ARHGAP12: variants seen among roughly 807,000 people sequenced by gnomAD.
ARHGAP12 encodes Rho GTPase activating protein 12.
In ARHGAP12, 64 loss-of-function variants were observed where a neutral mutation model predicts 108.6. The observed-to-expected ratio is 0.59, with a 90% CI of 0.48 to 0.73. The LOEUF is 0.73. Among genes scored for constraint, ARHGAP12 ranks in the 30% least tolerant of loss-of-function variants. The pLI, the probability that ARHGAP12 is intolerant of heterozygous loss-of-function variation, is 0.00. For missense variants in ARHGAP12, 940 were observed against 1,005.9 expected (o/e 0.93, Z 0.89); for synonymous variants, 312 against 337.2 (o/e 0.93, Z 0.82).
intron 3 of ARHGAP12, among the ~76,000 whole-genome samples, chr10:31,881,169 A>T (rs1837940739): frequency 6.6e-6 from 1 of 152,116 alleles, no homozygotes; most frequent in Admixed American, 6.6e-5. Flanking sequence ...GAAAAAAAGA[A>T]AAAAAACTTA....
intron 3 of ARHGAP12, among the ~76,000 whole-genome samples, chr10:31,865,469 C>T (rs979187148): frequency 2.6e-5 from 4 of 152,042 alleles, no homozygotes. Context: ...AAGAGAAGGG[C>T]AAACAGGAGT....
intron 3 of ARHGAP12, among the ~76,000 whole-genome samples, chr10:31,889,619 G>GTTTTTTTTTTTTTTTTTTTTTTTT (rs869116452): frequency 2.1e-4 from 14 of 66,422 alleles, no homozygotes; most frequent in East Asian, 5.0e-4. Context: ...AATTTTTCTC[G>GTTTTTTTTTTTTTTTTTTTTTTTT]TTTTTTTTTT....
chr10:31,818,617 A>G (rs984279147), intron 12 of ARHGAP12, among the ~76,000 whole-genome samples: 2 of 152,216 alleles, frequency 1.3e-5, no homozygotes, highest in Admixed American at 6.5e-5. Context: ...AAGATATGGC[A>G]ATGCTTCCCA....
intron 13 of ARHGAP12, 39 bp downstream of exon 13, chr10:31,817,749 A>G: frequency 1.5e-6 from 2 of 1,373,082 alleles, no homozygotes; most frequent in Non-Finnish European, 2.0e-6. Flanking sequence ...AAAGAAAAAC[A>G]GCTCTGAAGT....
At chr10:31,898,487 G>A (rs188842167) in intron 3 of ARHGAP12, among the ~76,000 whole-genome samples, 164 of 152,228 alleles carry the variant, frequency 1.1e-3, no homozygotes, top group Non-Finnish European at 1.9e-3. Context: ...TCTTGACCTC[G>A]TGATCTGCCC....
At chr10:31,837,730 GAAACAGTATC>G (rs1836082803) in intron 9 of ARHGAP12, among the ~76,000 whole-genome samples, 1 of 152,018 alleles carries the variant, frequency 6.6e-6, no homozygotes, top group Non-Finnish European at 1.5e-5. Flanking sequence ...TTAGAAAAAT[GAAACAGTATC>G]TGTGAAAATC....
rs1382454971 is a variant in ARHGAP12, at chr10:31,808,705, T to A, written c.2310A>T (p.Arg770Ser). Residue 770 changes from arginine (R) to serine (S), a missense_variant, in exon 19 of 20, where the codon AGA becomes AGT. Arg to Ser is a moderately radical substitution (Grantham distance 110). Coordinates refer to ENST00000344936, the MANE Select transcript of ARHGAP12 (RefSeq NM_018287.7). ...QRVAAVKDLI[R>S]QLPKPNQDTM... is the part of the protein sequence containing the mutation. ...TGTCTTGGTTTGGCTTTGGCAACTGTCTGATTAGGTCCTTAACAGCAGCGA... is the reference window on the plus strand; with the variant it reads ...TGTCTTGGTTTGGCTTTGGCAACTGACTGATTAGGTCCTTAACAGCAGCGA... 1.2e-6 allele frequency: 2 copies of A among 1,613,798 alleles called. No individual in the cohort carries two copies. Among genetic ancestry groups the A allele is most frequent in the Non-Finnish European group, 1.7e-6 (2 of 1,179,802 alleles).
intron 4 of ARHGAP12, among the ~76,000 whole-genome samples, chr10:31,858,642 A>T (rs1469139089): frequency 1.3e-5 from 2 of 152,168 alleles, no homozygotes; most frequent in East Asian, 1.9e-4. Context: ...GGACTTTACC[A>T]AATGTCCCTG....
rs564985259 is a variant in ARHGAP12, at chr10:31,895,222, T to C, written c.684+12950A>G. Reference sequence around the variant, plus strand: ...TTCATGTCTAAAACACCAAAAGCAATGGCAACAGAAGCCAAAATTGACAAA... The same window carrying C: ...TTCATGTCTAAAACACCAAAAGCAACGGCAACAGAAGCCAAAATTGACAAA... On this transcript the variant is annotated intron_variant, in intron 3 of 19. Coordinates refer to ENST00000344936, the MANE Select transcript of ARHGAP12 (RefSeq NM_018287.7). Among the ~76,000 whole-genome samples, 135 of 152,274 alleles carry C rather than the reference T, an allele frequency of 8.9e-4. 5 individuals are homozygous for C. In the South Asian group the frequency reaches 0.028, roughly 32 times the overall value.
chr10:31,902,190 G>A (rs1166142882), intron 3 of ARHGAP12, among the ~76,000 whole-genome samples: 1 of 152,062 alleles, frequency 6.6e-6, no homozygotes, highest in African/African-American at 2.4e-5. Flanking sequence ...GGACATATAT[G>A]AATGAAACAG....
intron 1 of ARHGAP12, among the ~76,000 whole-genome samples, chr10:31,916,948 ATT>A (rs1248713318): frequency 6.6e-6 from 1 of 152,118 alleles, no homozygotes; most frequent in African/African-American, 2.4e-5. Flanking sequence ...TGAGCTTACA[ATT>A]TAAGTCCAAT....
At chr10:31,817,578 A>G (rs1180962634) in intron 13 of ARHGAP12, among the ~76,000 whole-genome samples, 2 of 152,208 alleles carry the variant, frequency 1.3e-5, no homozygotes, top group African/African-American at 4.8e-5. Flanking sequence ...TTTCAAATCC[A>G]CTGGTAGCAA....
intron 4 of ARHGAP12, among the ~76,000 whole-genome samples, chr10:31,857,287 G>T (rs1836923730): frequency 6.6e-6 from 1 of 152,040 alleles, no homozygotes; most frequent in Non-Finnish European, 1.5e-5. Flanking sequence ...ACTTTTCAAA[G>T]TAGTGATATC....
intron 3 of ARHGAP12, among the ~76,000 whole-genome samples, chr10:31,874,995 AAAAAAAAT>A (rs1053181355): frequency 4.0e-5 from 6 of 150,958 alleles, no homozygotes; most frequent in South Asian, 4.2e-4. Context: ...AAAAAAAAAA[AAAAAAAAT>A]TTTCACACAC....
chr10:31,837,465 T>C (rs1348546595), intron 9 of ARHGAP12, among the ~76,000 whole-genome samples: 1 of 152,236 alleles, frequency 6.6e-6, no homozygotes, highest in African/African-American at 2.4e-5. Context: ...GAAGTACATA[T>C]AATAACTTGC....
Position 31,908,414 on chromosome 10 carries a change from G to T in ARHGAP12, c.442C>A (p.Leu148Ile). The T allele has an allele frequency of 1.2e-6, 2 of 1,614,182 alleles. No homozygotes were observed. Among genetic ancestry groups the T allele is most frequent in the Non-Finnish European group, 1.7e-6 (2 of 1,180,020 alleles). ...PSYNQGQTVN[L>I]SLDLTHNNGK... ...TTATTATGGGTCAGGTCCAGGCTTA[G>T]GTTGACAGTCTGACCTTGATTATAA... Residue 148 changes from leucine (L) to isoleucine (I), a missense_variant, in exon 3 of 20, where the codon CTA becomes ATA. Transcript: ENST00000344936.
At chr10:31,928,297 TCACA>T (rs1308970063) in intron 1 of ARHGAP12, among the ~76,000 whole-genome samples, 1 of 134,230 alleles carries the variant, frequency 7.4e-6, no homozygotes, top group Non-Finnish European at 1.6e-5. Flanking sequence ...TCTCCCGCAC[TCACA>T]CACACACCCG....
At chr10:31,872,995 G>GA (rs1288582714) in intron 3 of ARHGAP12, among the ~76,000 whole-genome samples, 1 of 152,072 alleles carries the variant, frequency 6.6e-6, no homozygotes, top group Non-Finnish European at 1.5e-5. Flanking sequence ...CAAACTCTTT[G>GA]AAATGTTCCC....
chr10:31,829,795 CAACT>C (rs2132197492), intron 10 of ARHGAP12, among the ~76,000 whole-genome samples: 1 of 152,328 alleles, frequency 6.6e-6, no homozygotes, highest in African/African-American at 2.4e-5. Context: ...GTCTTCACTA[CAACT>C]AACCCTCAAC....
Sources: gnomAD v4.1 joint callset for allele counts (sites outside exome capture counted in the v4.1 genomes callset) on GRCh38, gnomAD v4.1.1 for gene constraint, MANE v1.5 for transcripts, NCBI Gene and HGNC (gene_info 2026-07-23, HGNC 2026-07-21) for gene names.